LINGO2: variants seen among roughly 807,000 people sequenced by gnomAD.
LINGO2 encodes leucine-rich repeat and immunoglobulin-like domain-containing nogo receptor-interacting protein 2.
Under a neutral mutation model 30.6 loss-of-function variants are expected in LINGO2, and 14 were observed. That is an observed-to-expected ratio of 0.46 (90% CI 0.30 to 0.72). The LOEUF is 0.72. Ranked by LOEUF, LINGO2 falls within the 30% of genes least tolerant of loss-of-function variation. The pLI, the probability that LINGO2 is intolerant of heterozygous loss-of-function variation, is 0.07. For missense variants in LINGO2, 729 were observed against 751.7 expected (o/e 0.97, Z 0.35); for synonymous variants, 317 against 288.5 (o/e 1.10, Z -1.00).
At chr9:28,890,523 A>G in the LINGO2 span, among the ~76,000 whole-genome samples, 1 of 152,200 alleles carries the variant, frequency 6.6e-6, no homozygotes, top group East Asian at 1.9e-4. Flanking sequence ...GGTTGAGTGT[A>G]GAAGTTTCTC....
the LINGO2 span, among the ~76,000 whole-genome samples, chr9:28,959,697 T>G: frequency 6.6e-6 from 1 of 151,676 alleles, no homozygotes; most frequent in Admixed American, 6.6e-5. Flanking sequence ...CCCAGTTCTA[T>G]CTAATACTGA....
intron 1 of LINGO2, among the ~76,000 whole-genome samples, chr9:28,520,836 T>G (rs1185416174): frequency 6.6e-6 from 1 of 152,196 alleles, no homozygotes; most frequent in East Asian, 1.9e-4. Flanking sequence ...ACTTTTTCAT[T>G]AAATCTCCTT....
chr9:28,751,671 TTTTG>T, the LINGO2 span, among the ~76,000 whole-genome samples: 14 of 152,154 alleles, frequency 9.2e-5, no homozygotes, highest in South Asian at 2.1e-4. Flanking sequence ...TATACTAGTG[TTTTG>T]TTTATTTTAT....
At chr9:28,382,946 GATTT>G (rs1254056356) in intron 2 of LINGO2, among the ~76,000 whole-genome samples, 1 of 151,998 alleles carries the variant, frequency 6.6e-6, no homozygotes, top group Admixed American at 6.6e-5. Context: ...GATTTGTAGA[GATTT>G]ATTTCATATA....
intron 4 of LINGO2, among the ~76,000 whole-genome samples, chr9:28,100,661 C>G (rs917042233): frequency 6.6e-6 from 1 of 152,148 alleles, no homozygotes; most frequent in African/African-American, 2.4e-5. Context: ...TAACACAGAA[C>G]CAAAGCATAA....
intron 1 of LINGO2, among the ~76,000 whole-genome samples, chr9:28,657,899 T>C (rs1331038246): frequency 6.6e-6 from 1 of 152,050 alleles, no homozygotes; most frequent in Non-Finnish European, 1.5e-5. Flanking sequence ...CAAACTTCCC[T>C]TTAACACTGC....
At chr9:28,125,448 A>G (rs1367055836) in intron 4 of LINGO2, among the ~76,000 whole-genome samples, 1 of 152,220 alleles carries the variant, frequency 6.6e-6, no homozygotes, top group Non-Finnish European at 1.5e-5. Context: ...ACATTAATTT[A>G]TGGAATATTT....
chr9:28,846,683 C>T, the LINGO2 span, among the ~76,000 whole-genome samples: 1 of 147,392 alleles, frequency 6.8e-6, no homozygotes, highest in South Asian at 2.2e-4. Context: ...CAGCTCCTGA[C>T]CCAACAGTTC....
At chr9:28,010,373 C>A (rs569317322) in intron 5 of LINGO2, among the ~76,000 whole-genome samples, 1 of 152,160 alleles carries the variant, frequency 6.6e-6, no homozygotes, top group East Asian at 1.9e-4. Context: ...AACCTAGACA[C>A]CTGGACACTG....
At chr9:29,041,668 G>C in the LINGO2 span, among the ~76,000 whole-genome samples, 1 of 151,970 alleles carries the variant, frequency 6.6e-6, no homozygotes, top group African/African-American at 2.4e-5. Context: ...AATGTGTCAT[G>C]AACTTAGGTG....
chr9:29,003,912 A>C, the LINGO2 span, among the ~76,000 whole-genome samples: 1,868 of 152,150 alleles, frequency 0.012, 41 homozygotes, highest in African/African-American at 0.043. Context: ...TTACCCCTGG[A>C]ACAATCTCCC....
intron 4 of LINGO2, among the ~76,000 whole-genome samples, chr9:28,191,564 C>A (rs1156397475): frequency 3.3e-5 from 5 of 152,084 alleles, no homozygotes; most frequent in Non-Finnish European, 1.5e-5. Flanking sequence ...TCCCTCTTAA[C>A]CCCCTTTCTT....
At chr9:29,008,179 T>C in the LINGO2 span, among the ~76,000 whole-genome samples, 1 of 152,182 alleles carries the variant, frequency 6.6e-6, no homozygotes, top group Non-Finnish European at 1.5e-5. Flanking sequence ...ATGTGATGTT[T>C]GGTTTTCTGT....
the LINGO2 span, among the ~76,000 whole-genome samples, chr9:28,877,902 T>C: frequency 2.0e-5 from 3 of 152,194 alleles, no homozygotes; most frequent in South Asian, 2.1e-4. Flanking sequence ...TGTTCTTCCA[T>C]TTGTTTGTAT....
chr9:28,479,943 A>G (rs1253288490), intron 1 of LINGO2, among the ~76,000 whole-genome samples: 2 of 122,314 alleles, frequency 1.6e-5, no homozygotes, highest in Non-Finnish European at 1.7e-5. Flanking sequence ...ATATATATAT[A>G]TATATATATA....
chr9:28,501,164 C>T (rs1022004059), intron 1 of LINGO2, among the ~76,000 whole-genome samples: 1 of 152,014 alleles, frequency 6.6e-6, no homozygotes, highest in Non-Finnish European at 1.5e-5. Context: ...AAAATTTTAT[C>T]AGTATATTTA....
At chr9:28,243,707 T>TA (rs1201195791) in intron 4 of LINGO2, among the ~76,000 whole-genome samples, 2 of 151,114 alleles carry the variant, frequency 1.3e-5, no homozygotes, top group African/African-American at 4.9e-5. Flanking sequence ...CAAAAAAGAT[T>TA]AAAAGAAGAA....
chr9:28,427,315 C>G (rs1470314578), intron 2 of LINGO2, among the ~76,000 whole-genome samples: 1 of 152,002 alleles, frequency 6.6e-6, no homozygotes, highest in Non-Finnish European at 1.5e-5. Flanking sequence ...GTGGTCCAGC[C>G]CACCTGCTCT....
chr9:28,949,339 A>C, the LINGO2 span, among the ~76,000 whole-genome samples: 2 of 152,164 alleles, frequency 1.3e-5, no homozygotes, highest in Non-Finnish European at 2.9e-5. Context: ...GAAAAGATTA[A>C]CAAAATAGAT....
Sources: allele counts gnomAD v4.1 joint callset (sites outside exome capture counted in the v4.1 genomes callset), GRCh38; gene constraint gnomAD v4.1.1; transcripts MANE v1.5; gene names NCBI Gene and HGNC (gene_info 2026-07-23, HGNC 2026-07-21).